Variants in CEP192 observed in about 807,000 individuals in gnomAD.
The protein encoded by CEP192 is centrosomal protein 192.
A neutral mutation model predicts 271.8 loss-of-function variants in CEP192; 151 were observed. That is an observed-to-expected ratio of 0.56 (90% CI 0.49 to 0.64). The LOEUF is 0.64. CEP192 is among the 30% of genes least tolerant of loss of function. The pLI is 0.00. For missense variants in CEP192, 2,910 were observed against 3,020.5 expected (o/e 0.96, Z 0.86); for synonymous variants, 995 against 1,076.5 (o/e 0.92, Z 1.48).
intron 36 of CEP192, among the ~76,000 whole-genome samples, chr18:13,097,222 C>T (rs1273958859): frequency 6.6e-6 from 1 of 152,084 alleles, no homozygotes; most frequent in East Asian, 1.9e-4. Flanking sequence ...TTTTCTGTAG[C>T]CCCATGGGTT....
chr18:13,009,015 T>C (rs1345331005), intron 4 of CEP192, among the ~76,000 whole-genome samples: 1 of 25,994 alleles, frequency 3.8e-5, no homozygotes, highest in Non-Finnish European at 6.4e-5. Flanking sequence ...GGCCTTTTTG[T>C]TTTTTTTTTT....
At chr18:13,017,375 T>C (rs1485846263) in intron 7 of CEP192, 39 bp downstream of exon 7, 1 of 1,436,394 alleles carries the variant, frequency 7.0e-7, no homozygotes, top group Admixed American at 2.8e-5. Flanking sequence ...AAATTTGACA[T>C]TAGAAAATTA....
Position 13,117,568 on chromosome 18 carries a change from C to T in CEP192, c.7417-17C>T, listed in dbSNP as rs79126881. The T allele has an allele frequency of 1.1e-3, 1,681 of 1,568,084 alleles. 20 individuals carry two copies. In the African/African-American group the frequency reaches 0.019, roughly 18 times the overall value. ...TAATTTTCATAACTTTATAAAGTGT[C>T]TTCTATTAAATTCCAGCTGAAGTTT... is the stretch of plus-strand genomic sequence containing the variant. On this transcript the variant is annotated splice_polypyrimidine_tract_variant and intron_variant, in intron 43 of 44. Transcript: ENST00000506447.
In CEP192 at chr18:13,105,008, T is replaced by C; in HGVS notation, c.6976T>C (p.Phe2326Leu). ...VKGVDESGDV[F>L]RATYAAFRCS... ...GGGAGTTGATGAAAGTGGAGATGTT[T>C]TTAGAGCTACCTATGCAGCATTCAG... Residue 2326 changes from phenylalanine (F) to leucine (L), a missense_variant, in exon 40 of 45, where the codon TTT (phenylalanine) becomes CTT (leucine). By Grantham distance (22) the Phe-to-Leu change is conservative (BLOSUM62 0). Transcript: ENST00000506447. 2 of 1,613,966 alleles carry C rather than the reference T, an allele frequency of 1.2e-6. No individual in the cohort carries two copies. The highest frequency in any genetic ancestry group is 1.7e-6 in the Non-Finnish European group (2 of 1,179,806).
At chr18:13,078,849 A>T (rs551468360) in intron 30 of CEP192, among the ~76,000 whole-genome samples, 1 of 151,912 alleles carries the variant, frequency 6.6e-6, no homozygotes, top group African/African-American at 2.4e-5. Context: ...AAGTGTTCTC[A>T]TTGTTCAATT....
intron 13 of CEP192, 46 bp from the exon 14 acceptor site, chr18:13,040,784 A>G: frequency 1.4e-6 from 2 of 1,475,066 alleles, no homozygotes; most frequent in Non-Finnish European, 1.8e-6. Context: ...AATTTCTCAA[A>G]GCAGTTGAAA....
At chr18:12,997,795 G>A (rs560024721) in intron 1 of CEP192, among the ~76,000 whole-genome samples, 58 of 152,286 alleles carry the variant, frequency 3.8e-4, no homozygotes, top group African/African-American at 1.3e-3. Context: ...CGCAATCTCG[G>A]CTCACTGCAA....
chr18:13,003,630 A>G (rs11872263), intron 3 of CEP192, among the ~76,000 whole-genome samples: 20,342 of 151,954 alleles, frequency 0.13, 2,096 homozygotes, highest in African/African-American at 0.28. Context: ...GGTGGTGAGC[A>G]GGACCTTGAC....
Position 13,100,585 on chromosome 18 carries a change from A to G in CEP192, c.6871+73A>G, listed in dbSNP as rs373892498. 18 of 1,203,136 alleles carry G rather than the reference A, an allele frequency of 1.5e-5. No homozygotes were observed. The East Asian group carries it at 2.4e-4, about 16-fold the overall frequency. The allele number at this position is 1,203,136 out of a possible 1,614,324, so 74.5% of individuals were successfully genotyped here. On this transcript the variant is annotated intron_variant, in intron 38 of 44. Coordinates refer to ENST00000506447, the MANE Select transcript of CEP192 (RefSeq NM_032142.4). Reference sequence around the variant, plus strand: ...AGTCTAATGCTTTATTCTTAGCCATAAGTTGGTGATAAATATAAATTTCCT... The same window carrying G: ...AGTCTAATGCTTTATTCTTAGCCATGAGTTGGTGATAAATATAAATTTCCT...
intron 19 of CEP192, among the ~76,000 whole-genome samples, chr18:13,056,899 A>C (rs907676108): frequency 6.6e-6 from 1 of 152,220 alleles, no homozygotes; most frequent in Admixed American, 6.5e-5. Flanking sequence ...TGCAGGTGAC[A>C]GGCTGCCTAT....
intron 35 of CEP192, 55 bp downstream of exon 35, chr18:13,095,736 C>A: frequency 1.3e-6 from 2 of 1,489,244 alleles, no homozygotes; most frequent in Non-Finnish European, 1.8e-6. Context: ...CGGGCCTGCA[C>A]TCCCATTGTG....
chr18:13,076,618 T>C (rs957884390), intron 30 of CEP192, among the ~76,000 whole-genome samples: 1 of 152,222 alleles, frequency 6.6e-6, no homozygotes, highest in Non-Finnish European at 1.5e-5. Flanking sequence ...CAAAGGTACC[T>C]TTTCCCTTGT....
chr18:13,048,986 C>T lies in CEP192; in HGVS notation c.2195C>T (p.Ser732Phe). ...IAEASVNTDP[S>F]QLAAMIKALS... ...GAGGCATCAGTTAATACTGATCCTT[C>T]CCAACTTGCTGCAATGATCAAGGCA... The change falls in exon 16 of 45, where the codon TCC becomes TTC. Residue 732 changes from serine (S) to phenylalanine (F), a missense_variant. Coordinates refer to ENST00000506447, the MANE Select transcript of CEP192 (RefSeq NM_032142.4). The T allele has an allele frequency of 6.2e-7, 1 of 1,614,138 alleles. No individual in the cohort carries two copies. The highest frequency in any genetic ancestry group is 1.6e-4 in the Middle Eastern group (1 of 6,062).
At chr18:12,992,294 G>C (rs1335411620) in intron 1 of CEP192, among the ~76,000 whole-genome samples, 1 of 152,158 alleles carries the variant, frequency 6.6e-6, no homozygotes, top group Non-Finnish European at 1.5e-5. Context: ...TGCCTACCTA[G>C]TTTTAAAGTA....
intron 14 of CEP192, 104 bp from the exon 15 acceptor site, chr18:13,042,100 A>C: frequency 2.3e-6 from 2 of 866,136 alleles, no homozygotes; most frequent in Admixed American, 5.3e-5. Flanking sequence ...GGGTACAAAG[A>C]CATCTTCCTT....
chr18:13,110,462 C>T (rs1339658420), intron 40 of CEP192, among the ~76,000 whole-genome samples: 1 of 150,488 alleles, frequency 6.6e-6, no homozygotes, highest in Non-Finnish European at 1.5e-5. Context: ...GGCACCAAGA[C>T]AGTTCAATGG....
chr18:13,008,297 G>A (rs1172214401), intron 3 of CEP192, among the ~76,000 whole-genome samples, 159 bp from the exon 4 acceptor site: 1 of 152,168 alleles, frequency 6.6e-6, no homozygotes, highest in East Asian at 1.9e-4. Flanking sequence ...ACAGTGCAGT[G>A]TTAGCAGTTG....
At chr18:13,000,680 C>T (rs1000688116) in intron 2 of CEP192, among the ~76,000 whole-genome samples, 3 of 152,236 alleles carry the variant, frequency 2.0e-5, no homozygotes, top group Admixed American at 2.0e-4. Flanking sequence ...CCAGGCTGGG[C>T]GTGGTGGCTC....
At chr18:13,098,541 T>A (rs1215793001) in intron 36 of CEP192, among the ~76,000 whole-genome samples, 1 of 126,284 alleles carries the variant, frequency 7.9e-6, no homozygotes, top group African/African-American at 3.1e-5. Context: ...CATCCCAGAC[T>A]GGGCGGCGGG....
Sources: gnomAD v4.1 joint callset for allele counts (sites outside exome capture counted in the v4.1 genomes callset) on GRCh38, gnomAD v4.1.1 for gene constraint, MANE v1.5 for transcripts, NCBI Gene and HGNC (gene_info 2026-07-23, HGNC 2026-07-21) for gene names.